WHRN: variants seen among roughly 807,000 people sequenced by gnomAD.
The protein encoded by WHRN is CASK-interacting protein CIP98.
Under a neutral mutation model 68.3 loss-of-function variants are expected in WHRN, and 41 were observed. That is an observed-to-expected ratio of 0.60 (90% CI 0.47 to 0.78). The LOEUF (loss-of-function observed/expected upper bound fraction) is 0.78, where lower values mean the gene tolerates loss of function less well. WHRN is among the 30% of genes least tolerant of loss of function. WHRN has a pLI of 0.00. For synonymous variants in WHRN, 560 were observed against 561.3 expected, an observed-to-expected ratio of 1.00 and a Z score of 0.03; for missense variants, 1,243 against 1,244.7, an observed-to-expected ratio of 1.00 and a Z score of 0.02.
At chr9:114,487,106 G>A (rs932967869) in intron 1 of WHRN, among the ~76,000 whole-genome samples, 16 of 148,068 alleles carry the variant, frequency 1.1e-4, no homozygotes, top group South Asian at 1.0e-3. Context: ...TTATCTCACA[G>A]GGTAGTTCTG....
intron 10 of WHRN, 109 bp downstream of exon 10, chr9:114,403,787 C>T (rs1834831427): frequency 1.5e-6 from 2 of 1,373,108 alleles, no homozygotes; most frequent in African/African-American, 1.4e-5. Flanking sequence ...AGCTCACTAC[C>T]TCCCTTTGTG....
intron 3 of WHRN, among the ~76,000 whole-genome samples, chr9:114,457,798 C>A (rs1265898902): frequency 6.6e-6 from 1 of 151,916 alleles, no homozygotes; most frequent in Non-Finnish European, 1.5e-5. Flanking sequence ...CACCAGTAAT[C>A]CCAGCTACTC....
intron 7 of WHRN, among the ~76,000 whole-genome samples, chr9:114,409,641 G>A (rs1329255533): frequency 6.6e-6 from 1 of 151,856 alleles, no homozygotes; most frequent in Non-Finnish European, 1.5e-5. Flanking sequence ...ATCCTCTCCA[G>A]CCAGGCTGGA....
At chr9:114,433,599 T>A (rs1360813791) in intron 3 of WHRN, among the ~76,000 whole-genome samples, 1 of 152,260 alleles carries the variant, frequency 6.6e-6, no homozygotes, top group Non-Finnish European at 1.5e-5. Flanking sequence ...GGCTGTTTTT[T>A]TTTCTTTCAT....
At chr9:114,424,278 C>A in intron 6 of WHRN, 56 bp downstream of exon 6, 3 of 1,592,606 alleles carry the variant, frequency 1.9e-6, no homozygotes, top group East Asian at 2.2e-5. Flanking sequence ...GGGGGCAGGG[C>A]AGGATGCAGA....
chr9:114,501,289 T>C (rs1367500470), intron 1 of WHRN, among the ~76,000 whole-genome samples: 3 of 152,204 alleles, frequency 2.0e-5, no homozygotes, highest in Non-Finnish European at 4.4e-5. Context: ...TTCAACATAA[T>C]TGCAAATAGT....
chr9:114,440,782 T>C (rs1158925002), intron 3 of WHRN, among the ~76,000 whole-genome samples: 1 of 152,220 alleles, frequency 6.6e-6, no homozygotes, highest in Non-Finnish European at 1.5e-5. Flanking sequence ...GCTCATCATC[T>C]CTGCATGAGC....
At position 114,406,564 on chromosome 9, in the gene WHRN, G is replaced by C. The variant is rs139279977; in HGVS notation, c.2027C>G (p.Pro676Arg). The C allele has an allele frequency of 9.6e-4, 1,547 of 1,611,568 alleles. 3 individuals carry two copies. The highest frequency in any genetic ancestry group is 1.2e-3 in the Non-Finnish European group (1,415 of 1,178,344). The stretch of plus-strand genomic sequence containing the variant: ...CTGGACCCGTGGGAAGGGGCCGATG[G>C]GGTGTTGGTTGACCAGGGCCAGATG... The part of the protein sequence containing the change: ...DAHLALVNQH[P>R]IGPFPRVQSP... The change falls in exon 9 of 12, where the codon CCC becomes CGC. Residue 676 changes from proline (P) to arginine (R), a missense_variant. Coordinates refer to ENST00000362057, the MANE Select transcript of WHRN (RefSeq NM_015404.4).
chr9:114,403,954 C>T lies in WHRN; in HGVS notation c.2360G>A (p.Ser787Asn), dbSNP rs1158866532. Residue 787 changes from serine (S) to asparagine (N), a missense_variant, in exon 10 of 12, where the codon AGC becomes AAC. By Grantham distance (46) the Ser-to-Asn change is conservative (BLOSUM62 1). Transcript: ENST00000362057. ...GRGRQSVSTKSRSSKELPRNE... is the reference protein window; with the variant it reads ...GRGRQSVSTKNRSSKELPRNE... ...CCGAGGCAGCTCCTTGCTACTCCTGCTCTTGGTGGACACCGACTGCCTTCC... is the reference window on the plus strand; with the variant it reads ...CCGAGGCAGCTCCTTGCTACTCCTGTTCTTGGTGGACACCGACTGCCTTCC... 6.2e-7 allele frequency: 1 copy of T among 1,611,618 alleles called. No individual in the cohort carries two copies. The highest frequency in any genetic ancestry group is 8.5e-7 in the Non-Finnish European group (1 of 1,180,026).
chr9:114,448,674 A>G (rs2132676596), intron 3 of WHRN, among the ~76,000 whole-genome samples: 1 of 152,288 alleles, frequency 6.6e-6, no homozygotes, highest in South Asian at 2.1e-4. Flanking sequence ...GGCAGCCCAA[A>G]CTAGCACTGT....
At chr9:114,446,575 T>C (rs1348893407) in intron 3 of WHRN, among the ~76,000 whole-genome samples, 2 of 152,200 alleles carry the variant, frequency 1.3e-5, no homozygotes, top group South Asian at 2.1e-4. Flanking sequence ...GTCCTTCTAC[T>C]TTCTGCATGT....
Position 114,481,839 on chromosome 9 carries a change from C to T in WHRN, c.619-3068G>A, listed in dbSNP as rs146877214. Among the ~76,000 whole-genome samples the T allele has an allele frequency of 6.4e-3, 972 of 152,276 alleles. 5 individuals are homozygous for T. The highest frequency in any genetic ancestry group is 0.022 in the African/African-American group (922 of 41,536). On this transcript the variant is annotated intron_variant, in intron 1 of 11. Transcript: ENST00000362057. ...AAACAAGGAGGCATCACCCAGCACA[C>T]ATCAGGTCCTCATGACACTTATGCC... is the stretch of plus-strand genomic sequence containing the variant.
rs1179074384 is a variant in WHRN at position 114,403,990 on chromosome 9, G to T, written c.2324C>A (p.Ala775Asp). The T allele has an allele frequency of 6.2e-7, 1 of 1,612,730 alleles. No homozygotes were observed. Residue 775 changes from alanine to aspartate, a missense_variant, in exon 10 of 12, where the codon GCC (alanine) becomes GAC (aspartate). By Grantham distance (126) the Ala-to-Asp change is moderately radical. Coordinates refer to ENST00000362057, the MANE Select transcript of WHRN (RefSeq NM_015404.4). Reference sequence around the variant, plus strand: ...CACCGACTGCCTTCCTCGGCCTGGGGCGCTGGCCTCTGCCTCGCCAGCATC... The same window carrying T: ...CACCGACTGCCTTCCTCGGCCTGGGTCGCTGGCCTCTGCCTCGCCAGCATC... ...GVDAGEAEAS[A>D]PGRGRQSVST...
intron 3 of WHRN, among the ~76,000 whole-genome samples, chr9:114,459,691 C>T (rs1564179878): frequency 6.6e-6 from 1 of 152,214 alleles, no homozygotes; most frequent in African/African-American, 2.4e-5. Context: ...CAAAGTCCAG[C>T]ACCCGTGATA....
chr9:114,483,534 C>T (rs1047305984), intron 1 of WHRN, among the ~76,000 whole-genome samples: 1 of 152,238 alleles, frequency 6.6e-6, no homozygotes, highest in Non-Finnish European at 1.5e-5. Flanking sequence ...CTACCTTGAT[C>T]CCTGAGGCTC....
chr9:114,504,060 A>ATT (rs1844169759), intron 1 of WHRN, 124 bp downstream of exon 1: 2 of 950,526 alleles, frequency 2.1e-6, no homozygotes, highest in Admixed American at 7.0e-5. Flanking sequence ...AAAGTATTAA[A>ATT]AAAAAAAAAA....
intron 3 of WHRN, among the ~76,000 whole-genome samples, chr9:114,431,011 G>A (rs931032665): frequency 6.6e-6 from 1 of 152,150 alleles, no homozygotes; most frequent in Non-Finnish European, 1.5e-5. Context: ...TAGGAGCCCT[G>A]TCAGAAGAGC....
intron 1 of WHRN, among the ~76,000 whole-genome samples, chr9:114,493,559 G>A (rs533892738): frequency 2.6e-4 from 39 of 152,220 alleles, no homozygotes; most frequent in Admixed American, 1.9e-3. Context: ...TCCTTGAAGT[G>A]TGCTGATCAG....
At chr9:114,432,490 CA>C (rs1837508169) in intron 3 of WHRN, among the ~76,000 whole-genome samples, 2 of 152,194 alleles carry the variant, frequency 1.3e-5, no homozygotes, top group African/African-American at 4.8e-5. Flanking sequence ...GTGTGTTGTG[CA>C]AAGTACACCA....
Sources: allele counts gnomAD v4.1 joint callset (sites outside exome capture counted in the v4.1 genomes callset), GRCh38; gene constraint gnomAD v4.1.1; transcripts MANE v1.5; gene names NCBI Gene and HGNC (gene_info 2026-07-23, HGNC 2026-07-21).